GJB1: variants seen among roughly 807,000 people sequenced by gnomAD.
GJB1 encodes gap junction protein beta 1.
A neutral mutation model predicts 12.0 loss-of-function variants in GJB1; 1 was observed. The ratio of observed to expected loss-of-function variants is 0.08; its 90% CI spans 0.03 to 0.40. GJB1 has a LOEUF of 0.40. Ranked by LOEUF, GJB1 falls within the 10% of genes least tolerant of loss-of-function variation. The pLI, the probability that GJB1 is intolerant of heterozygous loss-of-function variation, is 0.98. For synonymous variants in GJB1, 114 were observed against 102.8 expected, an observed-to-expected ratio of 1.11 and a Z score of -0.66; for missense variants, 140 against 250.3, an observed-to-expected ratio of 0.56 and a Z score of 2.97.
At chrX:71,220,792 C>T (rs2092535944), upstream of GJB1, among the ~76,000 whole-genome samples, 1 of 107,284 alleles carries the variant, frequency 9.3e-6, no homozygotes, top group Non-Finnish European at 1.9e-5. Context: ...TGAGCCCCTG[C>T]ACCCAGCCGG....
chrX:71,216,462 G>A (rs1283573316), intron 1 of GJB1, among the ~76,000 whole-genome samples: 2 of 110,198 alleles, frequency 1.8e-5, no homozygotes, highest in African/African-American at 6.6e-5. Context: ...TCACCTGTGA[G>A]TTGAAGACAA....
At chrX:71,220,045 G>T (rs1225573399), upstream of GJB1, among the ~76,000 whole-genome samples, 1 of 105,221 alleles carries the variant, frequency 9.5e-6, no homozygotes, top group African/African-American at 3.5e-5. Context: ...GTTTCACCAC[G>T]TTGGTCAGGC....
chrX:71,216,863 A>G (rs1342798117), intron 1 of GJB1, among the ~76,000 whole-genome samples: 1 of 111,713 alleles, frequency 9.0e-6, no homozygotes, highest in Admixed American at 9.6e-5. Context: ...TAGCCACACC[A>G]AACTGATGAA....
chrX:71,222,088 G>A (rs1373630485), upstream of GJB1, among the ~76,000 whole-genome samples: 1 of 110,738 alleles, frequency 9.0e-6, no homozygotes, highest in Non-Finnish European at 1.9e-5. Flanking sequence ...GCTGCAGTGA[G>A]CAGTGATTGT....
At position 71,224,839 on chromosome X, in the gene GJB1, G is replaced by A; in HGVS notation, c.*280G>A. ...CCCTCTCCCTCTCTCTGGGACCACT[G>A]GGTACAAGAGATGGGATGCTCCGAC... On this transcript the variant is annotated 3_prime_UTR_variant, in exon 2 of 2. Coordinates refer to ENST00000361726, the MANE Select transcript of GJB1 (RefSeq NM_000166.6). 1 of 425,427 alleles carries A rather than the reference G, an allele frequency of 2.4e-6. No homozygotes were observed. The highest frequency in any genetic ancestry group is 4.2e-6 in the Non-Finnish European group (1 of 236,090). The allele number at this position is 425,427 out of a possible 1,213,427, so 35.1% of individuals were successfully genotyped here. A position where few individuals can be genotyped will look rare whatever the true frequency, so the allele number is the denominator to read the frequency against.
At chrX:71,215,892 A>G in intron 1 of GJB1, among the ~76,000 whole-genome samples, 1 of 101,206 alleles carries the variant, frequency 9.9e-6, no homozygotes, top group East Asian at 3.1e-4. Flanking sequence ...TTTTTTTGAG[A>G]CGGACTTTCA....
Position 71,224,458 on chromosome X carries a change from C to A in GJB1, c.751C>A (p.Leu251Met). Residue 251 changes from leucine to methionine, a missense_variant, in exon 2 of 2, where the codon CTG (leucine) becomes ATG (methionine). This residue lies in a region of GJB1 where 75 missense variants were observed against 78.8 expected (regional missense o/e 0.95). Coordinates refer to ENST00000361726, the MANE Select transcript of GJB1 (RefSeq NM_000166.6). ...PEYKQNEINKLLSEQDGSLKD... is the reference protein window; with the variant it reads ...PEYKQNEINKMLSEQDGSLKD... ...ATACAAGCAGAATGAGATCAACAAG[C>A]TGCTGAGTGAGCAGGATGGCTCCCT... The A allele has an allele frequency of 8.3e-7, 1 of 1,208,814 alleles. No homozygotes were observed. Among genetic ancestry groups the A allele is most frequent in the Middle Eastern group, 2.3e-4 (1 of 4,353 alleles).
intron 1 of GJB1, among the ~76,000 whole-genome samples, chrX:71,215,641 G>C (rs1342665668): frequency 8.9e-6 from 1 of 111,950 alleles, no homozygotes; most frequent in Non-Finnish European, 1.9e-5. Flanking sequence ...TGCCACACAG[G>C]GTTAGGGTTT....
At chrX:71,219,019 T>C (rs934884474), upstream of GJB1, among the ~76,000 whole-genome samples, 3 of 110,884 alleles carry the variant, frequency 2.7e-5, no homozygotes, top group Non-Finnish European at 5.7e-5. Context: ...ATCTGTGATA[T>C]GAGGATAAAG....
chrX:71,216,735 G>A (rs752558376), intron 1 of GJB1, among the ~76,000 whole-genome samples: 6 of 111,297 alleles, frequency 5.4e-5, no homozygotes, highest in African/African-American at 1.3e-4. Flanking sequence ...GCCTGGCCAC[G>A]GAATATGTAT....
upstream of GJB1, among the ~76,000 whole-genome samples, chrX:71,222,952 A>G (rs1272202039): frequency 9.1e-6 from 1 of 110,366 alleles, no homozygotes; most frequent in Non-Finnish European, 1.9e-5. Flanking sequence ...TCCCCTCTTC[A>G]CATCCACCTG....
chrX:71,218,555 C>T (rs2092529876), upstream of GJB1, among the ~76,000 whole-genome samples: 1 of 108,181 alleles, frequency 9.2e-6, no homozygotes, highest in Non-Finnish European at 1.9e-5. Flanking sequence ...GCACTTCAGC[C>T]TGGGCTACAG....
In GJB1 at chrX:71,224,247, C is replaced by T. The variant is rs771022595; in HGVS notation, c.540C>T (p.Phe180=). ...CCTGCCCCAACACAGTGGACTGCTTCGTGTCCCGCCCCACCGAGAAAACCG... is the reference window on the plus strand; with the variant it reads ...CCTGCCCCAACACAGTGGACTGCTTTGTGTCCCGCCCCACCGAGAAAACCG... ...VYPCPNTVDC[F]VSRPTEKTVF... The change falls in exon 2 of 2, where the codon TTC becomes TTT. Residue 180 remains phenylalanine (F), a synonymous_variant. Coordinates refer to ENST00000361726, the MANE Select transcript of GJB1 (RefSeq NM_000166.6). 36 of 1,198,656 alleles carry T rather than the reference C, an allele frequency of 3.0e-5. No homozygotes were observed. Among genetic ancestry groups the T allele is most frequent in the South Asian group, 2.0e-4 (11 of 56,295 alleles).
rs780335726 is a variant in GJB1, at chrX:71,224,396, G to T, written c.689G>T (p.Arg230Leu). 1.2e-5 allele frequency: 15 copies of T among 1,208,102 alleles called. No individual in the cohort carries two copies. Among genetic ancestry groups the T allele is most frequent in the Non-Finnish European group, 1.6e-5 (14 of 894,758 alleles). The change falls in exon 2 of 2, where the codon CGC (arginine) becomes CTC (leucine). Residue 230 changes from arginine to leucine, a missense_variant. Around this residue, in one of 4 missense-constraint regions of GJB1, gnomAD observed 75 missense variants for 78.8 expected, o/e 0.95. Transcript: ENST00000361726. The stretch of plus-strand genomic sequence containing the variant: ...CAGCGCCGCTCCAATCCACCTTCCC[G>T]CAAGGGCTCGGGCTTCGGCCACCGC... ...RAQRRSNPPS[R>L]KGSGFGHRLS...
At chrX:71,220,476 T>TTTTGTTTG (rs58936467), upstream of GJB1, among the ~76,000 whole-genome samples, 63 of 95,202 alleles carry the variant, frequency 6.6e-4, no homozygotes, top group Middle Eastern at 0.012. Context: ...CTGGCCTAGG[T>TTTTGTTTG]TTTGTTTGTT....
rs1321033936 is a variant in GJB1 at position 71,224,298 on chromosome X, C to T, written c.591C>T (p.Ala197=). 2.5e-6 allele frequency: 3 copies of T among 1,206,698 alleles called. No homozygotes were observed. In the African/African-American group the frequency reaches 5.3e-5, roughly 21 times the overall value. ...KTVFTVFMLA[A]SGICIILNVA... ...TCTTCACCGTCTTCATGCTAGCTGCCTCTGGCATCTGCATCATCCTCAATG... is the reference window on the plus strand; with the variant it reads ...TCTTCACCGTCTTCATGCTAGCTGCTTCTGGCATCTGCATCATCCTCAATG... Residue 197 remains alanine, a synonymous_variant, in exon 2 of 2, where the codon GCC becomes GCT. Coordinates refer to ENST00000361726, the MANE Select transcript of GJB1 (RefSeq NM_000166.6).
chrX:71,219,341 CTT>C (rs970941582), upstream of GJB1, among the ~76,000 whole-genome samples: 1 of 108,525 alleles, frequency 9.2e-6, no homozygotes, highest in Non-Finnish European at 1.9e-5. Flanking sequence ...TTTTGTGTTT[CTT>C]TTTTTGTAGA....
At chrX:71,217,076 CAG>C (rs954099015) in intron 1 of GJB1, among the ~76,000 whole-genome samples, 10 of 103,376 alleles carry the variant, frequency 9.7e-5, no homozygotes, top group South Asian at 8.9e-4. Context: ...GGGGCAGAAA[CAG>C]AGAGAGACAG....
chrX:71,215,871 G>T (rs1161397991), intron 1 of GJB1, among the ~76,000 whole-genome samples: 1 of 90,699 alleles, frequency 1.1e-5, no homozygotes, highest in Non-Finnish European at 2.1e-5. Context: ...ATGGTTCGGA[G>T]ATTTTTTTTT....
Sources: allele counts gnomAD v4.1 joint callset (sites outside exome capture counted in the v4.1 genomes callset), GRCh38; gene constraint gnomAD v4.1.1; regional missense constraint gnomAD v4.1.1; transcripts MANE v1.5; gene names NCBI Gene and HGNC (gene_info 2026-07-23, HGNC 2026-07-21).